The following EXOC4 variants were observed in gnomAD, a reference collection of about 807,000 sequenced individuals.
EXOC4 encodes exocyst complex component 4.
In EXOC4, 71 loss-of-function variants were observed where a neutral mutation model predicts 107.2. The observed-to-expected ratio is 0.66, with a 90% confidence interval of 0.55 to 0.81. EXOC4 has a LOEUF of 0.81. EXOC4 is among the 30% of genes least tolerant of loss of function. The probability of loss-of-function intolerance (pLI) is 0.00; values close to 1 mark genes in which losing one functional copy is unlikely to be tolerated. For synonymous variants in EXOC4, 456 were observed against 441.2 expected, an observed-to-expected ratio of 1.03 and a Z score of -0.42; for missense variants, 1,108 against 1,189.6, an observed-to-expected ratio of 0.93 and a Z score of 1.01.
downstream of EXOC4, among the ~76,000 whole-genome samples, chr7:134,066,831 T>C (rs1796183882): frequency 6.6e-6 from 1 of 152,052 alleles, no homozygotes; most frequent in Admixed American, 6.6e-5. Context: ...TGTGAAGACC[T>C]CTCCCTAAGT....
At chr7:133,418,790 G>A (rs1374627568) in intron 7 of EXOC4, among the ~76,000 whole-genome samples, 4 of 152,172 alleles carry the variant, frequency 2.6e-5, no homozygotes, top group African/African-American at 4.8e-5. Context: ...CATATCCTCT[G>A]ACGCTGGGAG....
At chr7:133,636,112 A>C (rs1315782648) in intron 10 of EXOC4, among the ~76,000 whole-genome samples, 1 of 152,214 alleles carries the variant, frequency 6.6e-6, no homozygotes, top group Admixed American at 6.5e-5. Flanking sequence ...ATGTCTGCCA[A>C]ATCACTGTGA....
At chr7:133,873,280 G>T (rs890220371) in intron 11 of EXOC4, among the ~76,000 whole-genome samples, 1 of 152,222 alleles carries the variant, frequency 6.6e-6, no homozygotes, top group Non-Finnish European at 1.5e-5. Context: ...CTCACCCCAA[G>T]TTGAAAACAA....
At chr7:133,619,246 C>T (rs182317016) in intron 9 of EXOC4, among the ~76,000 whole-genome samples, 117 of 152,310 alleles carry the variant, frequency 7.7e-4, no homozygotes, top group African/African-American at 2.8e-3. Flanking sequence ...ATTTACAGAG[C>T]ACTCGATCTC....
intron 9 of EXOC4, among the ~76,000 whole-genome samples, chr7:133,543,249 T>G (rs1347198275): frequency 6.6e-6 from 1 of 152,154 alleles, no homozygotes; most frequent in Non-Finnish European, 1.5e-5. Flanking sequence ...AGCCTAAGGT[T>G]TTCCCCTAAG....
Position 133,499,177 on chromosome 7 carries a change from C to G in EXOC4, c.1417+19039C>G, listed in dbSNP as rs140880329. On this transcript the variant is annotated intron_variant, in intron 9 of 17. Transcript: ENST00000253861. ...TTCTTTGTAGCACATGGCATACTTA[C>G]AATTATTCAGTTGGCATACTTAGTA... Among the ~76,000 whole-genome samples the G allele has an allele frequency of 3.8e-3, 567 of 149,678 alleles. 3 individuals carry two copies. Among genetic ancestry groups the G allele is most frequent in the African/African-American group, 0.013 (549 of 40,824 alleles).
At chr7:133,355,360 C>T (rs1795998559) in intron 5 of EXOC4, among the ~76,000 whole-genome samples, 1 of 152,090 alleles carries the variant, frequency 6.6e-6, no homozygotes, top group South Asian at 2.1e-4. Flanking sequence ...ATATCTTAAT[C>T]CAGCCATTTG....
chr7:133,303,385 G>C (rs1024030775), intron 3 of EXOC4, among the ~76,000 whole-genome samples: 1 of 152,206 alleles, frequency 6.6e-6, no homozygotes, highest in Non-Finnish European at 1.5e-5. Context: ...AGTGAGCCAT[G>C]ATTGTGCCAT....
intron 10 of EXOC4, among the ~76,000 whole-genome samples, chr7:133,750,674 G>T (rs1795778155): frequency 6.6e-6 from 1 of 151,476 alleles, no homozygotes; most frequent in South Asian, 2.1e-4. Context: ...CAAATCTCCT[G>T]GTTCAAGTGA....
chr7:134,020,522 C>T (rs2116420045), intron 17 of EXOC4, among the ~76,000 whole-genome samples: 1 of 152,320 alleles, frequency 6.6e-6, no homozygotes, highest in South Asian at 2.1e-4. Flanking sequence ...ACAAGGTGGT[C>T]ACCATTATTA....
intron 10 of EXOC4, among the ~76,000 whole-genome samples, chr7:133,705,519 C>CT (rs1370384225): frequency 2.0e-5 from 3 of 152,196 alleles, no homozygotes; most frequent in African/African-American, 7.2e-5. Flanking sequence ...ATTTTGCTAT[C>CT]TGTGACTTCA....
chr7:134,074,780 C>CA, the EXOC4 span, among the ~76,000 whole-genome samples: 2 of 152,348 alleles, frequency 1.3e-5, no homozygotes, highest in Admixed American at 1.3e-4. Flanking sequence ...CAGGGCAACA[C>CA]ACACGAATCC....
intron 1 of EXOC4, 97 bp from the exon 2 acceptor site, chr7:133,274,885 C>G: frequency 2.2e-6 from 2 of 927,254 alleles, no homozygotes; most frequent in Non-Finnish European, 1.6e-6. Context: ...GATGAATGTG[C>G]TTCACCTTCC....
intron 10 of EXOC4, among the ~76,000 whole-genome samples, chr7:133,630,384 G>A (rs1333566567): frequency 6.6e-6 from 1 of 151,758 alleles, no homozygotes; most frequent in Non-Finnish European, 1.5e-5. Context: ...CGCTACCTCT[G>A]TCCCTCTCCT....
intron 11 of EXOC4, among the ~76,000 whole-genome samples, chr7:133,871,142 C>A (rs1257598035): frequency 6.6e-6 from 1 of 152,134 alleles, no homozygotes; most frequent in African/African-American, 2.4e-5. Flanking sequence ...TATCTATGTT[C>A]TTCAGGGTAT....
At chr7:133,418,664 G>A (rs1263421823) in intron 7 of EXOC4, among the ~76,000 whole-genome samples, 3 of 152,158 alleles carry the variant, frequency 2.0e-5, no homozygotes, top group Admixed American at 1.3e-4. Context: ...TGCTGTAGCT[G>A]TCACCCCTAG....
At chr7:133,598,932 C>A (rs1801744235) in intron 9 of EXOC4, among the ~76,000 whole-genome samples, 1 of 152,086 alleles carries the variant, frequency 6.6e-6, no homozygotes, top group African/African-American at 2.4e-5. Context: ...TGCAGTGAGC[C>A]AAGATCGCGC....
At chr7:133,752,308 C>T (rs1229897397) in intron 10 of EXOC4, among the ~76,000 whole-genome samples, 3 of 152,036 alleles carry the variant, frequency 2.0e-5, no homozygotes, top group South Asian at 2.1e-4. Flanking sequence ...GAGGAAAAAG[C>T]GAAAAAAGCA....
At chr7:133,438,435 C>T (rs999525569) in intron 7 of EXOC4, among the ~76,000 whole-genome samples, 5 of 152,068 alleles carry the variant, frequency 3.3e-5, no homozygotes, top group African/African-American at 9.7e-5. Flanking sequence ...TATGTTCTTT[C>T]GATTTAAATA....
Sources: gnomAD v4.1 joint callset for allele counts (sites outside exome capture counted in the v4.1 genomes callset) on GRCh38, gnomAD v4.1.1 for gene constraint, MANE v1.5 for transcripts, NCBI Gene and HGNC (gene_info 2026-07-23, HGNC 2026-07-21) for gene names.